Variants in KARS1 observed in about 807,000 individuals in gnomAD.
KARS1 encodes lysyl-tRNA synthetase 1, also known as lysine--tRNA ligase.
A neutral mutation model predicts 63.9 loss-of-function variants in KARS1; 50 were observed. That is an observed-to-expected ratio of 0.78 (90% confidence interval 0.62 to 0.99). KARS1 has a LOEUF of 0.99. KARS1 is among the 50% of genes least tolerant of loss of function. The pLI, the probability that KARS1 is intolerant of heterozygous loss-of-function variation, is 0.00. For missense variants in KARS1, 816 were observed against 754.5 expected (o/e 1.08, Z -0.95); for synonymous variants, 320 against 264.6 (o/e 1.21, Z -2.03).
Position 75,635,729 on chromosome 16 carries a change from T to A in KARS1, c.746A>T (p.Lys249Met), listed in dbSNP as rs1333338776. 10 of 1,614,036 alleles carry A rather than the reference T, an allele frequency of 6.2e-6. No individual in the cohort carries two copies. Among genetic ancestry groups the A allele is most frequent in the Non-Finnish European group, 8.5e-6 (10 of 1,179,978 alleles). ...FVRQKFIIRS[K>M]IITYIRSFLD... ...GAAACTTCTTATATATGTGATGATC[T>A]TAGAGCGGATGATAAATTTCTGCCT... The change falls in exon 6 of 14, where the codon AAG (lysine) becomes ATG (methionine). Residue 249 changes from lysine (K) to methionine (M), a missense_variant. Physicochemically the swap from Lys to Met is moderately conservative, Grantham distance 95. Coordinates refer to ENST00000302445, the MANE Select transcript of KARS1 (RefSeq NM_005548.3).
chr16:75,628,132 T>G, intron 13 of KARS1, 139 bp from the exon 14 acceptor site: 1 of 705,740 alleles, frequency 1.4e-6, no homozygotes, highest in East Asian at 2.7e-5. Flanking sequence ...GGCTCATGTG[T>G]TCTTTTATTT....
chr16:75,629,418 G>C lies in KARS1; in HGVS notation c.1548C>G (p.Ala516=), dbSNP rs944922144. ...MRQRQLFEEQ[A]KAKAAGDDEA... ...TGCTCACAGTCCCCTTTCTCACCTT[G>C]GCCTGTTCTTCAAAAAGCTGCCGCT... Residue 516 remains alanine, a synonymous_variant, in exon 12 of 14, where the codon GCC becomes GCG. Coordinates refer to ENST00000302445, the MANE Select transcript of KARS1 (RefSeq NM_005548.3). The C allele has an allele frequency of 6.2e-6, 10 of 1,613,904 alleles. No homozygotes were observed. The highest frequency in any genetic ancestry group is 2.7e-5 in the African/African-American group (2 of 75,036).
chr16:75,631,270 A>C lies in KARS1; in HGVS notation c.1253-17T>G, dbSNP rs1374521920. On this transcript the variant is annotated splice_polypyrimidine_tract_variant and intron_variant, in intron 9 of 13. Transcript: ENST00000302445. ...TGCGAGTTTCTGGGACACAAATGCAAAAGTTAGGGCAGGAGACATCACACT... is the reference window on the plus strand; with the variant it reads ...TGCGAGTTTCTGGGACACAAATGCACAAGTTAGGGCAGGAGACATCACACT... 2 of 1,611,730 alleles carry C rather than the reference A, an allele frequency of 1.2e-6. No individual in the cohort carries two copies. Among genetic ancestry groups the C allele is most frequent in the Admixed American group, 3.3e-5 (2 of 59,910 alleles).
chr16:75,640,681 CG>C (rs2082214924), intron 2 of KARS1, among the ~76,000 whole-genome samples: 6 of 152,318 alleles, frequency 3.9e-5, no homozygotes, highest in Admixed American at 2.6e-4. Flanking sequence ...GAGTCACTTA[CG>C]TTCTTAACTG....
Position 75,639,959 on chromosome 16 carries a change from A to G in KARS1, c.388+225T>C, listed in dbSNP as rs1597173579. 8.8e-6 allele frequency: 5 copies of G among 570,894 alleles called. No individual in the cohort carries two copies. In the East Asian group the frequency reaches 1.2e-4, roughly 14 times the overall value. 35.4% of individuals were successfully genotyped at this position (570,894 alleles called of 1,614,324 possible). A position where few individuals can be genotyped will look rare whatever the true frequency, so the allele number is the denominator to read the frequency against. On this transcript the variant is annotated intron_variant, in intron 3 of 13. Coordinates refer to ENST00000302445, the MANE Select transcript of KARS1 (RefSeq NM_005548.3). ...TCTTGCTGATGAAGGGAATCCTTATAGAGAAAGCCCCTCTCTTTGTAGCAC... is the reference window on the plus strand; with the variant it reads ...TCTTGCTGATGAAGGGAATCCTTATGGAGAAAGCCCCTCTCTTTGTAGCAC...
In KARS1 at chr16:75,633,204, C is replaced by T. The variant is rs371624507; in HGVS notation, c.915+969G>A. Among the ~76,000 whole-genome samples, 18 of 152,300 alleles carry T rather than the reference C, an allele frequency of 1.2e-4. No individual in the cohort carries two copies. In the East Asian group the frequency reaches 2.3e-3, roughly 20 times the overall value. On this transcript the variant is annotated intron_variant, in intron 7 of 13. Transcript: ENST00000302445. Reference sequence around the variant, plus strand: ...GCCTGGAGTGAGAGCTGCTCAGGGTCGGCCGCAATGACAAATACACCTCTC... The same window carrying T: ...GCCTGGAGTGAGAGCTGCTCAGGGTTGGCCGCAATGACAAATACACCTCTC...
chr16:75,629,899 C>T (rs1049615560), intron 11 of KARS1, among the ~76,000 whole-genome samples: 1 of 152,216 alleles, frequency 6.6e-6, no homozygotes, highest in Non-Finnish European at 1.5e-5. Flanking sequence ...TGCATGCAGT[C>T]TCAGCAACAA....
rs962326605 is a variant in KARS1 at position 75,634,251 on chromosome 16, C to T, written c.837G>A (p.Val279=). 6.2e-7 allele frequency: 1 copy of T among 1,613,976 alleles called. No individual in the cohort carries two copies. Among genetic ancestry groups the T allele is most frequent in the South Asian group, 1.1e-5 (1 of 91,072 alleles). Residue 279 remains valine (V), a synonymous_variant, in exon 7 of 14, where the codon GTG becomes GTA. Coordinates refer to ENST00000302445, the MANE Select transcript of KARS1 (RefSeq NM_005548.3). ...TGTGATAAGTGATGAAAGGCTTGGC[C>T]ACGGCTCCCCCTGGGATGATGTTCA... ...PMMNIIPGGA[V]AKPFITYHNE...
chr16:75,647,519 C>A, intron 1 of KARS1, 59 bp downstream of exon 1: 3 of 1,501,162 alleles, frequency 2.0e-6, no homozygotes, highest in Middle Eastern at 3.8e-4. Flanking sequence ...AACCTCGCGG[C>A]GCTTCCCAGC....
intron 1 of KARS1, chr16:75,644,429 G>T (rs2082259048): frequency 6.2e-7 from 1 of 1,609,476 alleles, no homozygotes; most frequent in African/African-American, 1.3e-5. Flanking sequence ...GCGTCAACAT[G>T]GCAGAGCACC....
At chr16:75,629,954 T>C (rs2082093707) in intron 11 of KARS1, among the ~76,000 whole-genome samples, 1 of 152,100 alleles carries the variant, frequency 6.6e-6, no homozygotes, top group South Asian at 2.1e-4. Flanking sequence ...ACCAGGAAGG[T>C]TTAATGATCT....
chr16:75,639,309 C>T (rs946154663), intron 3 of KARS1, among the ~76,000 whole-genome samples: 26 of 149,298 alleles, frequency 1.7e-4, no homozygotes, highest in South Asian at 2.1e-4. Flanking sequence ...TGGCGGCTCA[C>T]GCCTGTAATC....
Position 75,640,245 on chromosome 16 carries a change from G to A in KARS1, c.327C>T (p.Ile109=), listed in dbSNP as rs2082208438. 1.2e-6 allele frequency: 2 copies of A among 1,613,658 alleles called. No individual in the cohort carries two copies. The highest frequency in any genetic ancestry group is 1.1e-5 in the South Asian group (1 of 91,068). The change falls in exon 3 of 14, where the codon ATC becomes ATT. Residue 109 remains isoleucine, a synonymous_variant. Transcript: ENST00000302445. ...CAGGCTGCAGGTGACTATATTTTTG[G>A]ATGAAGTCAGTGAGTGAGATGTCTA... The part of the protein sequence containing the change: ...FHVDISLTDF[I]QKYSHLQPGD...
At chr16:75,644,841 C>A (rs2082263638) in intron 1 of KARS1, among the ~76,000 whole-genome samples, 1 of 152,102 alleles carries the variant, frequency 6.6e-6, no homozygotes, top group Non-Finnish European at 1.5e-5. Context: ...CAATAGGAAG[C>A]ATATAAAATA....
chr16:75,639,428 CG>C (rs1354514496), intron 3 of KARS1, among the ~76,000 whole-genome samples: 2 of 149,778 alleles, frequency 1.3e-5, no homozygotes, highest in Non-Finnish European at 3.0e-5. Flanking sequence ...AAAACTTAGC[CG>C]GGCGTGGTGG....
chr16:75,637,384 G>A (rs112319505), intron 3 of KARS1, among the ~76,000 whole-genome samples: 1 of 152,026 alleles, frequency 6.6e-6, no homozygotes, highest in African/African-American at 2.4e-5. Flanking sequence ...GGTATCCTCT[G>A]GAAAATGTGA....
chr16:75,644,321 T>C (rs1190228899), intron 1 of KARS1: 1 of 1,607,930 alleles, frequency 6.2e-7, no homozygotes, highest in African/African-American at 1.3e-5. Flanking sequence ...TGTGAGGCGC[T>C]GTGAAAGGAG....
intron 1 of KARS1, among the ~76,000 whole-genome samples, chr16:75,643,466 C>T (rs1020992070): frequency 6.6e-6 from 1 of 151,806 alleles, no homozygotes; most frequent in Non-Finnish European, 1.5e-5. Context: ...TAAGCTCTGC[C>T]TCCCGGGTTC....
chr16:75,631,490 C>T lies in KARS1; in HGVS notation c.1178G>A (p.Arg393Gln), dbSNP rs149772470. ...CTCAAGCTCTTCTACCATGTTGATT[C>T]GCCGGAAGGGTGGGGTGAAGTCAAC... ...YDVDFTPPFR[R>Q]INMVEELEKA... Residue 393 changes from arginine (R) to glutamine (Q), a missense_variant, in exon 9 of 14, where the codon CGA becomes CAA. Transcript: ENST00000302445. The T allele has an allele frequency of 2.2e-3, 3,476 of 1,614,150 alleles. 6 individuals are homozygous for T. The highest frequency in any genetic ancestry group is 2.7e-3 in the Non-Finnish European group (3,203 of 1,180,016).
Sources: gnomAD v4.1 joint callset for allele counts (sites outside exome capture counted in the v4.1 genomes callset) on GRCh38, gnomAD v4.1.1 for gene constraint, MANE v1.5 for transcripts, NCBI Gene and HGNC (gene_info 2026-07-23, HGNC 2026-07-21) for gene names.